The following TLL2 variants were observed in gnomAD, a reference collection of about 807,000 sequenced individuals.
TLL2 encodes tolloid like 2.
In TLL2, 106 loss-of-function variants were observed where a neutral mutation model predicts 123.0. The observed-to-expected ratio is 0.86, with a 90% confidence interval of 0.74 to 1.01. The LOEUF is 1.01. Among genes scored for constraint, TLL2 ranks in the 50% least tolerant of loss-of-function variants. TLL2 has a pLI of 0.00. For missense variants in TLL2, 1,332 were observed against 1,336.7 expected, an observed-to-expected ratio of 1.00 and a Z score of 0.06; for synonymous variants, 494 against 516.8, an observed-to-expected ratio of 0.96 and a Z score of 0.60.
At chr10:96,399,467 G>C (rs1279795233) in intron 10 of TLL2, among the ~76,000 whole-genome samples, 2 of 152,138 alleles carry the variant, frequency 1.3e-5, no homozygotes, top group African/African-American at 2.4e-5. Context: ...GGGGGTAAAG[G>C]CTGTTAATCT....
intron 2 of TLL2, among the ~76,000 whole-genome samples, chr10:96,457,087 C>T (rs1055613661): frequency 2.0e-5 from 3 of 152,246 alleles, no homozygotes; most frequent in Non-Finnish European, 2.9e-5. Context: ...TAGGTGCTAA[C>T]TTTTCAGGTT....
At chr10:96,509,455 G>T (rs1029241165) in intron 1 of TLL2, among the ~76,000 whole-genome samples, 1 of 152,216 alleles carries the variant, frequency 6.6e-6, no homozygotes, top group African/African-American at 2.4e-5. Context: ...CATTCTGTAA[G>T]CTCCTCAAAG....
intron 20 of TLL2, 82 bp downstream of exon 20, chr10:96,369,983 T>C: frequency 3.4e-6 from 5 of 1,477,956 alleles, no homozygotes; most frequent in Non-Finnish European, 4.5e-6. Flanking sequence ...TGGCCGGGAC[T>C]GAAAGCCGGG....
intron 2 of TLL2, among the ~76,000 whole-genome samples, chr10:96,447,116 T>A (rs1846903183): frequency 6.6e-6 from 1 of 152,174 alleles, no homozygotes; most frequent in Non-Finnish European, 1.5e-5. Flanking sequence ...AAGGCAGGAA[T>A]GATCTGGCCA....
rs776830571 is a variant in TLL2 at position 96,494,844 on chromosome 10, T to C, written c.176-14385A>G. Among the ~76,000 whole-genome samples, 18 of 152,240 alleles carry C rather than the reference T, an allele frequency of 1.2e-4. No homozygotes were observed. In the South Asian group the frequency reaches 3.1e-3, roughly 26 times the overall value. On this transcript the variant is annotated intron_variant, in intron 1 of 20. Transcript: ENST00000357947. ...ACATCAGAAGTGTCAAAGGAGAGTG[T>C]TGACATGCGGATCCCCAGGCCCCAA... is the stretch of plus-strand genomic sequence containing the variant.
Position 96,370,106 on chromosome 10 carries a change from C to A in TLL2, c.2872G>T (p.Asp958Tyr), listed in dbSNP as rs778433703. 6.2e-7 allele frequency: 1 copy of A among 1,611,960 alleles called. No homozygotes were observed. The highest frequency in any genetic ancestry group is 8.5e-7 in the Non-Finnish European group (1 of 1,179,058). ...YDYMEAYDGY[D>Y]SSAPRLGRFC... ...CGGCCGAGCCTGGGCGCTGAGCTGT[C>A]GTAGCCGTCGTAGGCTTCCATGTAG... The change falls in exon 20 of 21, where the codon GAC becomes TAC. Residue 958 changes from aspartate to tyrosine, a missense_variant. Physicochemically the swap from Asp to Tyr is radical, Grantham distance 160 (BLOSUM62 -3). Coordinates refer to ENST00000357947, the MANE Select transcript of TLL2 (RefSeq NM_012465.4).
intron 3 of TLL2, among the ~76,000 whole-genome samples, chr10:96,435,041 T>G (rs1846781743): frequency 6.6e-6 from 1 of 150,556 alleles, no homozygotes; most frequent in Non-Finnish European, 1.5e-5. Context: ...TTTTCTTTTT[T>G]TTTTTTTTGA....
At chr10:96,413,637 C>T (rs1440666021) in intron 7 of TLL2, among the ~76,000 whole-genome samples, 4 of 152,102 alleles carry the variant, frequency 2.6e-5, no homozygotes, top group East Asian at 1.9e-4. Context: ...GTCCAGACCC[C>T]GGAGAGACCA....
intron 1 of TLL2, among the ~76,000 whole-genome samples, chr10:96,483,848 T>G (rs572628068): frequency 6.6e-6 from 1 of 152,300 alleles, no homozygotes; most frequent in Non-Finnish European, 1.5e-5. Context: ...TTTATTTTAT[T>G]TATTTATTCT....
In TLL2 at chr10:96,370,095, C is replaced by G; in HGVS notation, c.2883G>C (p.Ala961=). 6.2e-7 allele frequency: 1 copy of G among 1,608,012 alleles called. No individual in the cohort carries two copies. Among genetic ancestry groups the G allele is most frequent in the Non-Finnish European group, 8.5e-7 (1 of 1,177,050 alleles). The change falls in exon 20 of 21, where the codon GCG becomes GCC. Residue 961 remains alanine (A), a synonymous_variant. Transcript: ENST00000357947. ...MEAYDGYDSS[A]PRLGRFCGSG... is the part of the protein sequence containing the mutation. Reference sequence around the variant, plus strand: ...AGCCACAGAAGCGGCCGAGCCTGGGCGCTGAGCTGTCGTAGCCGTCGTAGG... The same window carrying G: ...AGCCACAGAAGCGGCCGAGCCTGGGGGCTGAGCTGTCGTAGCCGTCGTAGG...
rs115235516 is a variant in TLL2, at chr10:96,476,203, T to C, written c.286+4146A>G. Among the ~76,000 whole-genome samples the C allele has an allele frequency of 8.7e-3, 1,037 of 118,968 alleles. 25 individuals are homozygous for C. Among genetic ancestry groups the C allele is most frequent in the African/African-American group, 0.028 (945 of 33,846 alleles). 78.0% of individuals were successfully genotyped at this position (118,968 alleles called of 152,430 possible). A position where few individuals can be genotyped will look rare whatever the true frequency, so the allele number is the denominator to read the frequency against. ...GTAGGAAAAGAGGATAAAGGTGTGGTTCCTTTTTAATTTTATATGTATATA... is the reference window on the plus strand; with the variant it reads ...GTAGGAAAAGAGGATAAAGGTGTGGCTCCTTTTTAATTTTATATGTATATA... On this transcript the variant is annotated intron_variant, in intron 2 of 20. Transcript: ENST00000357947.
intron 2 of TLL2, among the ~76,000 whole-genome samples, chr10:96,459,107 T>A (rs1046973520): frequency 3.9e-5 from 6 of 152,218 alleles, no homozygotes; most frequent in Non-Finnish European, 8.8e-5. Flanking sequence ...GATTCCATGT[T>A]CCTCAATGGA....
chr10:96,425,340 G>C (rs1033959436), intron 5 of TLL2, among the ~76,000 whole-genome samples: 1 of 145,338 alleles, frequency 6.9e-6, no homozygotes, highest in East Asian at 2.0e-4. Flanking sequence ...AGTATCATTT[G>C]TTCAAGTTCT....
In TLL2 at chr10:96,386,013, C is replaced by T. The variant is rs368579407; in HGVS notation, c.2013+42G>A. ...TCACTGGTTTCCAGCTCTGAGTCAC[C>T]CCTCAATACAGTCCCCAATCAATTA... is the stretch of plus-strand genomic sequence containing the variant. On this transcript the variant is annotated intron_variant, in intron 15 of 20. Coordinates refer to ENST00000357947, the MANE Select transcript of TLL2 (RefSeq NM_012465.4). The T allele has an allele frequency of 1.6e-5, 24 of 1,478,530 alleles. No individual in the cohort carries two copies. In the African/African-American group the frequency reaches 2.6e-4, roughly 16 times the overall value. 91.6% of individuals were successfully genotyped at this position (1,478,530 alleles called of 1,614,324 possible). A position where few individuals can be genotyped will look rare whatever the true frequency, so the allele number is the denominator to read the frequency against.
chr10:96,476,879 C>CACACACAG (rs1554939743), intron 2 of TLL2, among the ~76,000 whole-genome samples: 8 of 149,156 alleles, frequency 5.4e-5, no homozygotes, highest in South Asian at 2.2e-4. Flanking sequence ...CACACACACA[C>CACACACAG]ACACACACAC....
At chr10:96,392,438 A>G (rs3789947) in intron 13 of TLL2, among the ~76,000 whole-genome samples, 93,991 of 151,520 alleles carry the variant, frequency 0.62, 29,377 homozygotes, top group East Asian at 0.78. Context: ...AAATGTAACT[A>G]GGCATCCTGT....
At chr10:96,488,864 G>C (rs182553449) in intron 1 of TLL2, among the ~76,000 whole-genome samples, 1 of 152,216 alleles carries the variant, frequency 6.6e-6, no homozygotes. Context: ...AAACCCCTGC[G>C]TGGAAGGAAG....
chr10:96,476,918 C>T (rs577870717), intron 2 of TLL2, among the ~76,000 whole-genome samples: 75 of 149,674 alleles, frequency 5.0e-4, no homozygotes, highest in African/African-American at 1.7e-3. Context: ...ACACACACAG[C>T]CTGAGCACAT....
At chr10:96,388,617 A>G (rs1313225448) in intron 13 of TLL2, among the ~76,000 whole-genome samples, 1 of 152,166 alleles carries the variant, frequency 6.6e-6, no homozygotes, top group Non-Finnish European at 1.5e-5. Context: ...TTTCAAAGGT[A>G]TTTATTGGGT....
Sources: gnomAD v4.1 joint callset for allele counts (sites outside exome capture counted in the v4.1 genomes callset) on GRCh38, gnomAD v4.1.1 for gene constraint, MANE v1.5 for transcripts, NCBI Gene and HGNC (gene_info 2026-07-23, HGNC 2026-07-21) for gene names.